Variants in NSMCE2 observed in about 807,000 individuals in gnomAD.
NSMCE2 encodes NSE2 SUMO ligase component of SMC5/6 complex.
NSMCE2 carries 24 observed loss-of-function variants against 23.8 expected under a neutral mutation model. That is an observed-to-expected ratio of 1.01 (90% CI 0.73 to 1.42). The LOEUF (loss-of-function observed/expected upper bound fraction) is 1.42, where lower values mean the gene tolerates loss of function less well. NSMCE2 is among the 40% of genes most tolerant of loss of function. The pLI, the probability that NSMCE2 is intolerant of heterozygous loss-of-function variation, is 0.00. For missense variants in NSMCE2, 284 were observed against 296.5 expected, an observed-to-expected ratio of 0.96 and a Z score of 0.31; for synonymous variants, 92 against 94.1, an observed-to-expected ratio of 0.98 and a Z score of 0.13.
intron 5 of NSMCE2, among the ~76,000 whole-genome samples, chr8:125,234,211 C>T (rs1225389074): frequency 6.6e-6 from 1 of 151,942 alleles, no homozygotes. Flanking sequence ...AAATCTCTGG[C>T]CTTTATCTTT....
chr8:125,305,308 T>C (rs769768614), intron 5 of NSMCE2, among the ~76,000 whole-genome samples: 2 of 152,154 alleles, frequency 1.3e-5, no homozygotes. Flanking sequence ...AAACCTAAAC[T>C]CAGAGGAGCC....
chr8:125,109,320 A>G (rs986933151), intron 3 of NSMCE2, among the ~76,000 whole-genome samples: 1 of 152,214 alleles, frequency 6.6e-6, no homozygotes, highest in Non-Finnish European at 1.5e-5. Context: ...TTAGAATAGT[A>G]GTAAGTGCTC....
chr8:125,126,554 G>T (rs1819527843), intron 3 of NSMCE2, among the ~76,000 whole-genome samples: 1 of 152,142 alleles, frequency 6.6e-6, no homozygotes. Flanking sequence ...ACTACCTCAA[G>T]AAGATGTAGT....
At chr8:125,313,212 AAGAAAAG>A (rs1829043267) in intron 5 of NSMCE2, among the ~76,000 whole-genome samples, 1 of 151,248 alleles carries the variant, frequency 6.6e-6, no homozygotes, top group Admixed American at 6.6e-5. Flanking sequence ...GAAAGAAAGA[AAGAAAAG>A]AAAGAAAAAG....
chr8:125,257,912 A>T (rs78388974), intron 5 of NSMCE2, among the ~76,000 whole-genome samples: 13 of 152,322 alleles, frequency 8.5e-5, no homozygotes, highest in African/African-American at 3.1e-4. Flanking sequence ...GGCAATGAAG[A>T]GTAGCTAGAG....
intron 5 of NSMCE2, among the ~76,000 whole-genome samples, chr8:125,338,484 G>A (rs1164364267): frequency 6.6e-6 from 1 of 152,162 alleles, no homozygotes; most frequent in Non-Finnish European, 1.5e-5. Flanking sequence ...TGACAGCAGA[G>A]TGCAAGCATC....
chr8:125,288,807 A>T (rs1048512020), intron 5 of NSMCE2, among the ~76,000 whole-genome samples: 2 of 151,354 alleles, frequency 1.3e-5, no homozygotes, highest in Admixed American at 6.6e-5. Flanking sequence ...ATTTATTTTT[A>T]TTTTTTGAGA....
chr8:125,135,663 A>C (rs1254547141), intron 3 of NSMCE2, among the ~76,000 whole-genome samples: 1 of 151,944 alleles, frequency 6.6e-6, no homozygotes, highest in Non-Finnish European at 1.5e-5. Flanking sequence ...TTGTTGCTGA[A>C]GACTGTTTTT....
At chr8:125,122,482 A>T (rs551536887) in intron 3 of NSMCE2, among the ~76,000 whole-genome samples, 5 of 152,202 alleles carry the variant, frequency 3.3e-5, no homozygotes, top group African/African-American at 1.2e-4. Context: ...TACTCCAGTC[A>T]TGGAGCCTGG....
At position 125,091,932 on chromosome 8, in the gene NSMCE2, C is replaced by T. The variant is rs1331127400; in HGVS notation, c.-137C>T. The T allele has an allele frequency of 6.6e-6, 1 of 152,478 alleles. No homozygotes were observed. The highest frequency in any genetic ancestry group is 1.5e-5 in the Non-Finnish European group (1 of 68,262). The allele number at this position is 152,478 out of a possible 1,614,324, so 9.4% of individuals were successfully genotyped here. A position where few individuals can be genotyped will look rare whatever the true frequency, so the allele number is the denominator to read the frequency against. ...CTAGGCAGGGGAAATTGGGGTGCCA[C>T]CAGACGGAGACAGCTTGGACTACCA... On this transcript the variant is annotated 5_prime_UTR_variant, in exon 1 of 8. Transcript: ENST00000287437.
At chr8:125,124,281 A>C (rs1161970863) in intron 3 of NSMCE2, 2 of 152,202 alleles carry the variant, frequency 1.3e-5, no homozygotes, top group Non-Finnish European at 2.9e-5. Flanking sequence ...AAATTTATTC[A>C]TAAACATTTT....
intron 5 of NSMCE2, among the ~76,000 whole-genome samples, chr8:125,320,665 G>T (rs1331956418): frequency 6.6e-6 from 1 of 152,020 alleles, no homozygotes; most frequent in Non-Finnish European, 1.5e-5. Flanking sequence ...TTAAAAAAAG[G>T]TGAGACATAA....
rs544219237 is a variant in NSMCE2 at position 125,326,408 on chromosome 8, T to C, written c.419-30811T>C. Among the ~76,000 whole-genome samples, 4 of 151,878 alleles carry C rather than the reference T, an allele frequency of 2.6e-5. 1 individual carries two copies. Among genetic ancestry groups the C allele is most frequent in the African/African-American group, 9.7e-5 (4 of 41,136 alleles). On this transcript the variant is annotated intron_variant, in intron 5 of 7. Transcript: ENST00000287437. ...AATAGGCATTATATATATGTGTGTG[T>C]GTGTATTTGTAGATATGTATGTGTG...
At chr8:125,237,428 C>G (rs1307118758) in intron 5 of NSMCE2, among the ~76,000 whole-genome samples, 1 of 152,176 alleles carries the variant, frequency 6.6e-6, no homozygotes, top group Non-Finnish European at 1.5e-5. Flanking sequence ...AAAGCACTGT[C>G]AGATCAACAA....
At position 125,118,405 on chromosome 8, in the gene NSMCE2, A is replaced by C. The variant is rs565747171; in HGVS notation, c.157+15918A>C. Among the ~76,000 whole-genome samples the C allele has an allele frequency of 6.6e-5, 10 of 152,180 alleles. No individual in the cohort carries two copies. In the South Asian group the frequency reaches 2.1e-3, roughly 32 times the overall value. The stretch of plus-strand genomic sequence containing the variant: ...AAAACAAACAAACAAACACACACAC[A>C]CAGAGATTGCTGGACCTTGCCACTA... On this transcript the variant is annotated intron_variant, in intron 3 of 7. Coordinates refer to ENST00000287437, the MANE Select transcript of NSMCE2 (RefSeq NM_173685.4).
intron 3 of NSMCE2, among the ~76,000 whole-genome samples, chr8:125,117,146 C>T (rs1819043771): frequency 6.6e-6 from 1 of 152,196 alleles, no homozygotes; most frequent in Non-Finnish European, 1.5e-5. Flanking sequence ...ATACAGTGGA[C>T]TTGCAGTGGT....
At chr8:125,171,783 G>C (rs1220372173) in intron 4 of NSMCE2, among the ~76,000 whole-genome samples, 1 of 152,120 alleles carries the variant, frequency 6.6e-6, no homozygotes, top group Non-Finnish European at 1.5e-5. Flanking sequence ...TCATTTGAGT[G>C]CTTACCAAGT....
intron 5 of NSMCE2, among the ~76,000 whole-genome samples, chr8:125,224,845 A>G (rs1035060380): frequency 6.6e-6 from 1 of 152,216 alleles, no homozygotes; most frequent in Admixed American, 6.5e-5. Flanking sequence ...AACTCAGGAA[A>G]TCAAGCTGCA....
intron 5 of NSMCE2, among the ~76,000 whole-genome samples, chr8:125,342,196 A>G (rs1178598494): frequency 6.6e-6 from 1 of 152,270 alleles, no homozygotes; most frequent in Non-Finnish European, 1.5e-5. Flanking sequence ...GCTCACTCGT[A>G]ATTGTCACCT....
Sources: gnomAD v4.1 joint callset for allele counts (sites outside exome capture counted in the v4.1 genomes callset) on GRCh38, gnomAD v4.1.1 for gene constraint, MANE v1.5 for transcripts, NCBI Gene and HGNC (gene_info 2026-07-23, HGNC 2026-07-21) for gene names.